Variants in RAB30 observed in about 807,000 individuals in gnomAD.
RAB30 encodes RAB30, member RAS oncogene family, also known as ras-related protein Rab-30.
In RAB30, 9 loss-of-function variants were observed where a neutral mutation model predicts 25.1. The observed-to-expected ratio is 0.36, with a 90% CI of 0.22 to 0.63. RAB30 has a LOEUF of 0.63. RAB30 is among the 20% of genes least tolerant of loss of function. The probability of loss-of-function intolerance (pLI) is 0.69; values close to 1 mark genes in which losing one functional copy is unlikely to be tolerated. For missense variants in RAB30, 140 were observed against 243.5 expected (o/e 0.58, Z 2.83); for synonymous variants, 77 against 86.4 (o/e 0.89, Z 0.60).
intron 1 of RAB30, among the ~76,000 whole-genome samples, chr11:83,026,554 T>G (rs1857720187): frequency 6.6e-6 from 1 of 152,232 alleles, no homozygotes. Flanking sequence ...TTCTGAGGTC[T>G]CACCAGAAGC....
intron 3 of RAB30, among the ~76,000 whole-genome samples, chr11:82,991,459 A>G (rs1239961357): frequency 7.4e-6 from 1 of 134,418 alleles, no homozygotes; most frequent in Non-Finnish European, 1.5e-5. Flanking sequence ...GTGAGCTGTG[A>G]TTGCACCACT....
At chr11:83,070,587 A>G (rs923964291) in intron 1 of RAB30, among the ~76,000 whole-genome samples, 7 of 72,658 alleles carry the variant, frequency 9.6e-5, no homozygotes, top group Non-Finnish European at 9.0e-5. Flanking sequence ...CTCAGCCAAG[A>G]CTGGCCCCAT....
rs1565270985 is a variant in RAB30, at chr11:82,997,213, A to G, written c.93+11T>C. On this transcript the variant is annotated intron_variant, in intron 2 of 4. Transcript: ENST00000527633. ...CCCTGGGCTTACGAGTTCCCTTACG[A>G]GTTCCCTTACCTGAGTGAATCTTCG... 6.3e-7 allele frequency: 1 copy of G among 1,596,066 alleles called. No homozygotes were observed.
chr11:83,038,507 T>TG (rs904145219), intron 1 of RAB30, among the ~76,000 whole-genome samples: 2 of 152,106 alleles, frequency 1.3e-5, no homozygotes, highest in African/African-American at 2.4e-5. Context: ...CAAAGCCTTA[T>TG]GCCTGATACA....
intron 1 of RAB30, among the ~76,000 whole-genome samples, chr11:83,008,186 C>T (rs1015255035): frequency 6.6e-6 from 1 of 152,192 alleles, no homozygotes; most frequent in Non-Finnish European, 1.5e-5. Context: ...GTCAGGGCCA[C>T]GGCTCAGAAC....
intron 1 of RAB30, among the ~76,000 whole-genome samples, chr11:83,036,726 G>A (rs1857996099): frequency 6.6e-6 from 1 of 152,208 alleles, no homozygotes; most frequent in Non-Finnish European, 1.5e-5. Context: ...CTCTGAGAAA[G>A]TGAGATGTGA....
chr11:83,020,653 C>A (rs138928367), intron 1 of RAB30, among the ~76,000 whole-genome samples: 1 of 152,180 alleles, frequency 6.6e-6, no homozygotes, highest in South Asian at 2.1e-4. Context: ...ATTTGTGGTG[C>A]CTTTTTCAGC....
intron 1 of RAB30, among the ~76,000 whole-genome samples, chr11:83,058,872 G>A (rs1858507576): frequency 6.6e-6 from 1 of 152,204 alleles, no homozygotes; most frequent in Non-Finnish European, 1.5e-5. Context: ...ACTCCAGTTT[G>A]TAGGCTCTCA....
chr11:82,982,618 C>T (rs1378210088), intron 4 of RAB30, among the ~76,000 whole-genome samples: 2 of 152,172 alleles, frequency 1.3e-5, no homozygotes, highest in Admixed American at 6.5e-5. Context: ...AATCCCAGCA[C>T]TTTAGGAGGC....
At chr11:83,018,614 T>C (rs1037879427) in intron 1 of RAB30, among the ~76,000 whole-genome samples, 3 of 152,240 alleles carry the variant, frequency 2.0e-5, no homozygotes, top group African/African-American at 7.2e-5. Context: ...ATGCATAGTT[T>C]GTGAGTATTT....
At position 83,043,400 on chromosome 11, in the gene RAB30, C is replaced by T. The variant is rs189772409; in HGVS notation, c.-9+28291G>A. On this transcript the variant is annotated intron_variant, in intron 1 of 4. Coordinates refer to ENST00000527633, the MANE Select transcript of RAB30 (RefSeq NM_001286060.2). ...CATTAGAAGAACCACCCAACTGGCC[C>T]GTGGAATTATGAGCACTAATAAACT... Among the ~76,000 whole-genome samples the T allele has an allele frequency of 3.0e-4, 46 of 152,236 alleles. 1 individual carries two copies. Among genetic ancestry groups the T allele is most frequent in the Admixed American group, 2.7e-3 (42 of 15,288 alleles).
At chr11:83,007,661 A>T (rs764976348) in intron 1 of RAB30, among the ~76,000 whole-genome samples, 18 of 152,080 alleles carry the variant, frequency 1.2e-4, no homozygotes, top group Non-Finnish European at 2.2e-4. Context: ...GTGAGAAGAG[A>T]AGGGAAGAGG....
intron 1 of RAB30, among the ~76,000 whole-genome samples, chr11:83,009,116 T>C (rs921929051): frequency 2.7e-5 from 4 of 150,788 alleles, no homozygotes; most frequent in African/African-American, 9.8e-5. Context: ...TCACCCAGGC[T>C]GAAGTACAAT....
intron 1 of RAB30, among the ~76,000 whole-genome samples, chr11:83,047,411 T>C (rs1291490963): frequency 1.3e-5 from 2 of 152,220 alleles, no homozygotes; most frequent in East Asian, 3.8e-4. Context: ...TTAATAGCCA[T>C]GGACCCAAGA....
At position 82,980,233 on chromosome 11, in the gene RAB30, A is replaced by G. The variant is rs946217507; in HGVS notation, c.*1932T>C. 1 of 152,218 alleles carries G rather than the reference A, an allele frequency of 6.6e-6. No individual in the cohort carries two copies. Among genetic ancestry groups the G allele is most frequent in the Non-Finnish European group, 1.5e-5 (1 of 68,028 alleles). The allele number at this position is 152,218 out of a possible 1,614,324, so 9.4% of individuals were successfully genotyped here. ...ATTATTATAAATTATTTTGGTTTTT[A>G]TTAAAATGACTTTTCTTTCCTGCAG... On this transcript the variant is annotated 3_prime_UTR_variant, in exon 5 of 5. Coordinates refer to ENST00000527633, the MANE Select transcript of RAB30 (RefSeq NM_001286060.2).
At position 83,005,224 on chromosome 11, in the gene RAB30, T is replaced by C. The variant is rs117818792; in HGVS notation, c.-8-7900A>G. 2.2e-4 allele frequency among the ~76,000 whole-genome samples: 33 copies of C among 152,300 alleles called. No homozygotes were observed. The East Asian group carries it at 5.8e-3, about 27-fold the overall frequency. ...TGAGGGTTTAGGTAATGAAGTGACTTACTTACTCTGACACACTGGTGAGTC... is the reference window on the plus strand; with the variant it reads ...TGAGGGTTTAGGTAATGAAGTGACTCACTTACTCTGACACACTGGTGAGTC... On this transcript the variant is annotated intron_variant, in intron 1 of 4. Transcript: ENST00000527633.
chr11:83,070,601 T>C (rs908815014), intron 1 of RAB30, among the ~76,000 whole-genome samples: 1 of 112,286 alleles, frequency 8.9e-6, no homozygotes, highest in African/African-American at 3.4e-5. Context: ...GCCCCATCTG[T>C]TGTGGAGCCA....
intron 1 of RAB30, among the ~76,000 whole-genome samples, chr11:83,025,660 G>A (rs1857693977): frequency 6.6e-6 from 1 of 152,154 alleles, no homozygotes; most frequent in Non-Finnish European, 1.5e-5. Flanking sequence ...TCACAAGCCA[G>A]GACAGATAGG....
Position 82,994,199 on chromosome 11 carries a change from C to A in RAB30, c.94-77G>T, listed in dbSNP as rs996251324. 8 of 1,243,656 alleles carry A rather than the reference C, an allele frequency of 6.4e-6. No individual in the cohort carries two copies. The South Asian group carries it at 7.6e-5, about 12-fold the overall frequency. The allele number at this position is 1,243,656 out of a possible 1,614,324, so 77.0% of individuals were successfully genotyped here. On this transcript the variant is annotated intron_variant, in intron 2 of 4. Transcript: ENST00000527633. ...GAAATTTTCTCCTCTCCCCCAGCAA[C>A]ACCCATCACCGGAGTCCTTCCTTCA...
Sources: allele counts gnomAD v4.1 joint callset (sites outside exome capture counted in the v4.1 genomes callset), GRCh38; gene constraint gnomAD v4.1.1; transcripts MANE v1.5; gene names NCBI Gene and HGNC (gene_info 2026-07-23, HGNC 2026-07-21).